The following FSAF1 variants were observed in gnomAD, a reference collection of about 807,000 sequenced individuals.
FSAF1 encodes the protein 40S small subunit processome assembly factor 1.
chr1:231,235,381 C>A, the FSAF1 span, among the ~76,000 whole-genome samples: 83 of 152,042 alleles, frequency 5.5e-4, 1 homozygote, highest in Non-Finnish European at 5.9e-5. Context: ...CCTGTAGTCC[C>A]AGCTACTCAG....
chr1:231,226,215 G>A, the FSAF1 span, among the ~76,000 whole-genome samples: 1 of 152,104 alleles, frequency 6.6e-6, no homozygotes, highest in Non-Finnish European at 1.5e-5. Context: ...ATGGTAATGA[G>A]TGAGTTCTCC....
the FSAF1 span, among the ~76,000 whole-genome samples, chr1:231,232,198 C>T: frequency 1.3e-5 from 2 of 152,136 alleles, no homozygotes; most frequent in Admixed American, 1.3e-4. Flanking sequence ...TCAGTGGTCT[C>T]CTCGGTTTTC....
At chr1:231,225,683 C>A in the FSAF1 span, 1 of 689,110 alleles carries the variant, frequency 1.5e-6, no homozygotes. Context: ...TACCCTAAAA[C>A]CCTTTCAAGA....
the FSAF1 span, among the ~76,000 whole-genome samples, chr1:231,227,585 G>GTTTTTT: frequency 6.9e-5 from 7 of 102,102 alleles, no homozygotes; most frequent in South Asian, 3.4e-4. Context: ...CTCGCCCACG[G>GTTTTTT]TTTTTTTTTT....
chr1:231,233,829 G>A, the FSAF1 span, among the ~76,000 whole-genome samples: 1 of 152,326 alleles, frequency 6.6e-6, no homozygotes, highest in Admixed American at 6.5e-5. Context: ...GGGATTAAAG[G>A]CATGAGTCAC....
chr1:231,239,277 C>T, the FSAF1 span: 3 of 1,163,248 alleles, frequency 2.6e-6, no homozygotes, highest in East Asian at 4.8e-5. Context: ...TGTACATATT[C>T]CAGGGCTATA....
chr1:231,225,593 T>G, the FSAF1 span: 2 of 1,386,750 alleles, frequency 1.4e-6, no homozygotes, highest in Non-Finnish European at 1.0e-6. Flanking sequence ...AGGCAAGAGG[T>G]TTGTGACCAA....
chr1:231,238,481 T>C, the FSAF1 span: 1 of 177,092 alleles, frequency 5.6e-6, no homozygotes, highest in Non-Finnish European at 1.2e-5. Context: ...GAAAGTCCTA[T>C]TTTCATGACT....
chr1:231,240,948 C>T, the FSAF1 span: 2 of 1,357,342 alleles, frequency 1.5e-6, no homozygotes, highest in South Asian at 1.2e-5. This position sits in a 1 kb window ranked among gnomAD's most constrained non-coding sequence, Gnocchi z 4.1. Context: ...CAGAGGCCAA[C>T]CCAGGACGGG....
chr1:231,234,341 T>A, the FSAF1 span, among the ~76,000 whole-genome samples: 5 of 152,166 alleles, frequency 3.3e-5, no homozygotes, highest in Non-Finnish European at 4.4e-5. The surrounding 1 kb of genome is among the most constrained non-coding windows in gnomAD (Gnocchi z 4.0). Context: ...TGTGGAGAAA[T>A]GGCAGTGACA....
At chr1:231,235,531 T>A in the FSAF1 span, among the ~76,000 whole-genome samples, 14 of 149,660 alleles carry the variant, frequency 9.4e-5, no homozygotes, top group African/African-American at 3.4e-4. Flanking sequence ...CTGGGCACAG[T>A]GGCTCTCACA....
the FSAF1 span, among the ~76,000 whole-genome samples, chr1:231,235,890 T>C: frequency 1.3e-5 from 2 of 152,226 alleles, no homozygotes; most frequent in South Asian, 2.1e-4. Flanking sequence ...AGCTTAATCA[T>C]AGAATTTATA....
chr1:231,229,363 G>A, the FSAF1 span, among the ~76,000 whole-genome samples: 1 of 152,170 alleles, frequency 6.6e-6, no homozygotes, highest in Admixed American at 6.5e-5. Flanking sequence ...ACAAGTGTTG[G>A]CAAGGATGTA....
the FSAF1 span, chr1:231,229,036 T>C: frequency 6.2e-6 from 4 of 641,610 alleles, no homozygotes; most frequent in African/African-American, 3.7e-5. Context: ...CTATACTACA[T>C]AGTTTGCATG....
chr1:231,225,454 C>G, the FSAF1 span: 1 of 1,611,526 alleles, frequency 6.2e-7, no homozygotes, highest in Non-Finnish European at 8.5e-7. Context: ...ACCCCAGGAC[C>G]TGATAAAATC....
chr1:231,225,254 T>G, the FSAF1 span: 3 of 577,372 alleles, frequency 5.2e-6, no homozygotes, highest in Non-Finnish European at 9.3e-6. Flanking sequence ...AGAGTGTCGG[T>G]GAAAAGTGGA....
the FSAF1 span, among the ~76,000 whole-genome samples, chr1:231,231,402 T>C: frequency 6.6e-6 from 1 of 152,194 alleles, no homozygotes; most frequent in African/African-American, 2.4e-5. Context: ...CAAGATCCCC[T>C]AAGATATTTA....
chr1:231,235,354 G>A, the FSAF1 span, among the ~76,000 whole-genome samples: 2 of 152,066 alleles, frequency 1.3e-5, no homozygotes, highest in Non-Finnish European at 2.9e-5. Context: ...AAAGTTAGCT[G>A]GGCATGGTTG....
the FSAF1 span, chr1:231,224,396 G>A: frequency 2.1e-5 from 33 of 1,602,978 alleles, no homozygotes; most frequent in African/African-American, 2.0e-4. Flanking sequence ...TACTGGGAGC[G>A]GACTTCTTTT....
Sources: gnomAD v4.1 joint callset for allele counts (sites outside exome capture counted in the v4.1 genomes callset) on GRCh38, gnomAD v4.1.1 for gene constraint, Gnocchi (gnomAD v3.1) non-coding constraint, MANE v1.5 for transcripts, NCBI Gene and HGNC (gene_info 2026-07-23, HGNC 2026-07-21) for gene names.